The following EPHA6 variants were observed in gnomAD, a reference collection of about 807,000 sequenced individuals.
EPHA6 encodes ephrin type-A receptor 6.
Under a neutral mutation model 112.0 loss-of-function variants are expected in EPHA6, and 50 were observed. That is an observed-to-expected ratio of 0.45 (90% CI 0.36 to 0.56). EPHA6 has a LOEUF of 0.56. Among genes scored for constraint, EPHA6 ranks in the 20% least tolerant of loss-of-function variants. The pLI is 0.00. For synonymous variants in EPHA6, 529 were observed against 490.7 expected, an observed-to-expected ratio of 1.08 and a Z score of -1.03; for missense variants, 1,280 against 1,417.4, an observed-to-expected ratio of 0.90 and a Z score of 1.56.
chr3:97,099,412 T>G (rs1374615377), intron 3 of EPHA6, among the ~76,000 whole-genome samples: 2 of 151,962 alleles, frequency 1.3e-5, no homozygotes, highest in Non-Finnish European at 2.9e-5. Flanking sequence ...TCTTTTGATA[T>G]TCACTAATAT....
chr3:96,952,964 C>G (rs2041612270), intron 2 of EPHA6, among the ~76,000 whole-genome samples: 1 of 152,038 alleles, frequency 6.6e-6, no homozygotes, highest in South Asian at 2.1e-4. Context: ...ACCCCCGTGA[C>G]ACGAGTTTAC....
At chr3:97,537,004 T>C (rs1275059451) in intron 11 of EPHA6, among the ~76,000 whole-genome samples, 5 of 152,170 alleles carry the variant, frequency 3.3e-5, no homozygotes, top group African/African-American at 1.2e-4. Flanking sequence ...AGTGATAACT[T>C]ACCACTCCAC....
intron 3 of EPHA6, among the ~76,000 whole-genome samples, chr3:97,129,860 T>G (rs988839987): frequency 6.6e-6 from 1 of 152,070 alleles, no homozygotes; most frequent in Non-Finnish European, 1.5e-5. Flanking sequence ...ACCTGAGAGA[T>G]AGTGAGAGAT....
intron 2 of EPHA6, among the ~76,000 whole-genome samples, chr3:96,909,993 G>A (rs2039134407): frequency 6.6e-6 from 1 of 152,012 alleles, no homozygotes; most frequent in Non-Finnish European, 1.5e-5. Context: ...TGCTTGCATA[G>A]TCGCATAAAT....
chr3:96,975,110 A>G (rs1189156029), intron 2 of EPHA6, among the ~76,000 whole-genome samples: 1 of 152,088 alleles, frequency 6.6e-6, no homozygotes, highest in Non-Finnish European at 1.5e-5. Flanking sequence ...CTTAGTTTGA[A>G]TAATTCCTGT....
In EPHA6 at chr3:97,269,707, T is replaced by C. The variant is rs79547517; in HGVS notation, c.1606+25420T>C. Among the ~76,000 whole-genome samples the C allele has an allele frequency of 6.1e-3, 921 of 152,210 alleles. 7 individuals are homozygous for C. Among genetic ancestry groups the C allele is most frequent in the African/African-American group, 0.021 (882 of 41,524 alleles). On this transcript the variant is annotated intron_variant, in intron 5 of 17. Coordinates refer to ENST00000389672, the MANE Select transcript of EPHA6 (RefSeq NM_001080448.3). Reference sequence around the variant, plus strand: ...TTTTTTTGTTTCCCAGATGAAAACATCATATAACTTTACGCAATGACCTAC... The same window carrying C: ...TTTTTTTGTTTCCCAGATGAAAACACCATATAACTTTACGCAATGACCTAC...
intron 16 of EPHA6, among the ~76,000 whole-genome samples, chr3:97,740,216 C>T (rs896750629): frequency 3.3e-5 from 5 of 152,246 alleles, no homozygotes; most frequent in Non-Finnish European, 5.9e-5. Flanking sequence ...CCCCTGATTA[C>T]TCCACACATG....
chr3:97,259,388 A>T (rs549910886), intron 5 of EPHA6, among the ~76,000 whole-genome samples: 1 of 151,968 alleles, frequency 6.6e-6, no homozygotes, highest in African/African-American at 2.4e-5. Context: ...TCATAAATGT[A>T]TTTCTCAAGG....
At chr3:97,369,956 A>G (rs567513961) in intron 5 of EPHA6, among the ~76,000 whole-genome samples, 2 of 152,302 alleles carry the variant, frequency 1.3e-5, no homozygotes, top group East Asian at 1.9e-4. Context: ...CAGAATTCTT[A>G]TATAACATTT....
Position 97,377,635 on chromosome 3 carries a change from G to A in EPHA6, c.1607-27515G>A, listed in dbSNP as rs575308651. Among the ~76,000 whole-genome samples, 7 of 152,260 alleles carry A rather than the reference G, an allele frequency of 4.6e-5. No individual in the cohort carries two copies. In the East Asian group the frequency reaches 5.8e-4, roughly 13 times the overall value. ...TTTGACAAAAATACTGGTAATGAACGGACAATGAAATTCAGGCTGAGTTGG... is the reference window on the plus strand; with the variant it reads ...TTTGACAAAAATACTGGTAATGAACAGACAATGAAATTCAGGCTGAGTTGG... On this transcript the variant is annotated intron_variant, in intron 5 of 17. Transcript: ENST00000389672.
intron 6 of EPHA6, among the ~76,000 whole-genome samples, chr3:97,428,607 AC>A (rs1284633848): frequency 6.6e-6 from 1 of 152,152 alleles, no homozygotes; most frequent in Non-Finnish European, 1.5e-5. Context: ...AAACTAAGCA[AC>A]CTACATATTT....
chr3:97,405,123 A>T, intron 5 of EPHA6, 27 bp from the exon 6 acceptor site: 8 of 1,561,778 alleles, frequency 5.1e-6, no homozygotes, highest in Non-Finnish European at 6.9e-6. Context: ...CTGCCAATTA[A>T]TTCTTAGTTA....
At chr3:97,600,037 G>A (rs2093630049) in intron 12 of EPHA6, among the ~76,000 whole-genome samples, 1 of 151,080 alleles carries the variant, frequency 6.6e-6, no homozygotes, top group African/African-American at 2.4e-5. Context: ...AATTGTGAAT[G>A]GGAGTTCACT....
chr3:97,218,378 G>T (rs2078093400), intron 3 of EPHA6, among the ~76,000 whole-genome samples: 1 of 152,130 alleles, frequency 6.6e-6, no homozygotes, highest in Admixed American at 6.5e-5. Context: ...AAAAATAGAG[G>T]TTTAATTCAC....
At chr3:96,935,293 A>G (rs2040521477) in intron 2 of EPHA6, among the ~76,000 whole-genome samples, 2 of 151,694 alleles carry the variant, frequency 1.3e-5, no homozygotes, top group South Asian at 4.2e-4. Context: ...CCGATTAACT[A>G]CTCTGATTAT....
intron 2 of EPHA6, among the ~76,000 whole-genome samples, chr3:96,950,684 A>T (rs551829122): frequency 1.3e-5 from 2 of 152,262 alleles, no homozygotes; most frequent in East Asian, 3.9e-4. Context: ...CTGATTCTAT[A>T]AAATTATTTT....
chr3:96,915,665 A>G (rs1380064852), intron 2 of EPHA6, among the ~76,000 whole-genome samples: 1 of 152,132 alleles, frequency 6.6e-6, no homozygotes, highest in Non-Finnish European at 1.5e-5. Context: ...TCATTCTAAT[A>G]CATGCCTTTC....
intron 5 of EPHA6, among the ~76,000 whole-genome samples, chr3:97,341,679 T>A (rs1180931920): frequency 6.6e-6 from 1 of 152,160 alleles, no homozygotes; most frequent in Non-Finnish European, 1.5e-5. Context: ...TAGGAAACAT[T>A]AGATCATATA....
intron 2 of EPHA6, among the ~76,000 whole-genome samples, chr3:96,986,874 T>G (rs1642768457): frequency 6.6e-6 from 1 of 152,206 alleles, no homozygotes; most frequent in South Asian, 2.1e-4. Context: ...CACCACAATT[T>G]GTGGCAAATT....
Sources: allele counts gnomAD v4.1 joint callset (sites outside exome capture counted in the v4.1 genomes callset), GRCh38; gene constraint gnomAD v4.1.1; transcripts MANE v1.5; gene names NCBI Gene and HGNC (gene_info 2026-07-23, HGNC 2026-07-21).